Variants in TMEM240 observed in about 807,000 individuals in gnomAD.
The protein encoded by TMEM240 is transmembrane protein C1orf70.
Under a neutral mutation model 19.5 loss-of-function variants are expected in TMEM240, and 3 were observed. The ratio of observed to expected loss-of-function variants is 0.15; its 90% confidence interval spans 0.07 to 0.40. The LOEUF is 0.40. Ranked by LOEUF, TMEM240 falls within the 10% of genes least tolerant of loss-of-function variation. The pLI, the probability that TMEM240 is intolerant of heterozygous loss-of-function variation, is 1.00. For synonymous variants in TMEM240, 123 were observed against 109.3 expected (o/e 1.13, Z -0.78); for missense variants, 210 against 253.5 (o/e 0.83, Z 1.17).
intron 2 of TMEM240, chr1:1,539,322 C>G (rs945466758): frequency 2.6e-5 from 6 of 231,182 alleles, no homozygotes; most frequent in African/African-American, 1.4e-4. Context: ...CCCAGGGACT[C>G]AGTGCAGGGC....
At position 1,536,787 on chromosome 1, in the gene TMEM240, G is replaced by A. The variant is rs1198476257; in HGVS notation, c.165-990C>T. Among the ~76,000 whole-genome samples the A allele has an allele frequency of 2.0e-5, 3 of 152,102 alleles. No individual in the cohort carries two copies. The highest frequency in any genetic ancestry group is 6.5e-5 in the Admixed American group (1 of 15,274). On this transcript the variant is annotated intron_variant, in intron 2 of 3. Transcript: ENST00000378733. This position sits in a 1 kb window ranked among gnomAD's most constrained non-coding sequence, Gnocchi z 5.4. ...AGCCCGCGGGCCCCACGCGCCTTGC[G>A]GTCCACACTCCTGGCTGCCTCCCAC...
rs1185411774 is a variant in TMEM240, at chr1:1,535,936, G to A, written c.165-139C>T. 2.0e-5 allele frequency: 10 copies of A among 493,026 alleles called. No individual in the cohort carries two copies. The highest frequency in any genetic ancestry group is 3.5e-5 in the Non-Finnish European group (9 of 260,080). The allele number at this position is 493,026 out of a possible 1,614,324, so 30.5% of individuals were successfully genotyped here. The stretch of plus-strand genomic sequence containing the variant: ...CTGAAGCAGCCTCTTGGGCGGGCGG[G>A]TCGGGAAGGGGGCACCAGACTCAAC... On this transcript the variant is annotated intron_variant, in intron 2 of 3. Transcript: ENST00000378733. The surrounding 1 kb of genome is among the most constrained non-coding windows in gnomAD (Gnocchi z 8.2).
chr1:1,537,931 G>A (rs1168409661), intron 2 of TMEM240, among the ~76,000 whole-genome samples: 2 of 152,170 alleles, frequency 1.3e-5, no homozygotes, highest in Non-Finnish European at 2.9e-5. Flanking sequence ...TTCCATACAC[G>A]TTCTCCACGT....
Position 1,539,710 on chromosome 1 carries a change from G to A in TMEM240, c.138C>T (p.Asp46=), listed in dbSNP as rs755533123. 1.1e-4 allele frequency: 166 copies of A among 1,548,072 alleles called. No homozygotes were observed. Among genetic ancestry groups the A allele is most frequent in the Non-Finnish European group, 1.4e-4 (162 of 1,146,544 alleles). The stretch of plus-strand genomic sequence containing the variant: ...GGCCACAGTTGCAGTGGCAGACGCG[G>A]TCCTCGCCCCGCAGGTGCGGGAGGA... The part of the protein sequence containing the change: ...NYILPHLRGE[D]RVCHCNCGRH... Residue 46 remains aspartate (D), a synonymous_variant, in exon 2 of 4, where the codon GAC becomes GAT. Transcript: ENST00000378733.
At position 1,539,896 on chromosome 1, in the gene TMEM240, A is replaced by C. The variant is rs1283822147; in HGVS notation, c.58-106T>G. 3 of 856,270 alleles carry C rather than the reference A, an allele frequency of 3.5e-6. No individual in the cohort carries two copies. The East Asian group carries it at 1.2e-4, about 34-fold the overall frequency. The allele number at this position is 856,270 out of a possible 1,614,324, so 53.0% of individuals were successfully genotyped here. A position where few individuals can be genotyped will look rare whatever the true frequency, so the allele number is the denominator to read the frequency against. On this transcript the variant is annotated intron_variant, in intron 1 of 3. Transcript: ENST00000378733. ...CGGGGCAGCGCAAGCGGGGAGCGAG[A>C]GCGCAGGCCGGGGTGAGGGGAGCGT...
At chr1:1,540,203 C>G (rs1431129988) in intron 1 of TMEM240, 87 bp downstream of exon 1, 4 of 675,258 alleles carry the variant, frequency 5.9e-6, no homozygotes, top group Admixed American at 8.8e-5. Context: ...GCAGGCCGCA[C>G]GGGCGGTAAA....
rs546474374 is a variant in TMEM240 at position 1,535,332 on chromosome 1, G to A, written c.*27C>T. ...CATCTGTACAGCAGCCGGTTGGCTC[G>A]GTGGCCCCGGTAAGTCCCCGTGCGG... On this transcript the variant is annotated 3_prime_UTR_variant, in exon 4 of 4. Coordinates refer to ENST00000378733, the MANE Select transcript of TMEM240 (RefSeq NM_001114748.2). This position sits in a 1 kb window ranked among gnomAD's most constrained non-coding sequence, Gnocchi z 8.2. 3.6e-5 allele frequency: 56 copies of A among 1,546,650 alleles called. No homozygotes were observed. Among genetic ancestry groups the A allele is most frequent in the South Asian group, 3.6e-5 (3 of 83,526 alleles).
chr1:1,539,592 G>T, intron 2 of TMEM240, 92 bp downstream of exon 2: 1 of 1,152,992 alleles, frequency 8.7e-7, no homozygotes, highest in Non-Finnish European at 1.2e-6. Context: ...GCGGCTCGCG[G>T]CCTGCGTGGG....
chr1:1,535,310 C>T lies in TMEM240; in HGVS notation c.*49G>A. 2.6e-6 allele frequency: 4 copies of T among 1,541,706 alleles called. No homozygotes were observed. Among genetic ancestry groups the T allele is most frequent in the Non-Finnish European group, 3.5e-6 (4 of 1,142,728 alleles). On this transcript the variant is annotated 3_prime_UTR_variant, in exon 4 of 4. Transcript: ENST00000378733. The surrounding 1 kb of genome is among the most constrained non-coding windows in gnomAD (Gnocchi z 8.2). ...GGCGTCCACGAGGTCCCTTTTACAT[C>T]TGTACAGCAGCCGGTTGGCTCGGTG...
chr1:1,538,054 C>T (rs976902103), intron 2 of TMEM240, among the ~76,000 whole-genome samples: 1 of 152,200 alleles, frequency 6.6e-6, no homozygotes, highest in Non-Finnish European at 1.5e-5. Flanking sequence ...ATGGTGGATA[C>T]GCAGATACCG....
Position 1,535,770 on chromosome 1 carries a change from G to A in TMEM240, c.192C>T (p.Tyr64=), listed in dbSNP as rs1417731822. The change falls in exon 3 of 4, where the codon TAC becomes TAT. Residue 64 remains tyrosine, a synonymous_variant. Transcript: ENST00000378733. This position sits in a 1 kb window ranked among gnomAD's most constrained non-coding sequence, Gnocchi z 8.2. ...CGTCCACCACCGACTGGTCCCCGTC[G>A]TACGGGATCACGTAGTGGATATGGT... ...GRHHIHYVIP[Y]DGDQSVVDAS... is the part of the protein sequence containing the mutation. 7.1e-6 allele frequency: 11 copies of A among 1,550,010 alleles called. No individual in the cohort carries two copies. Among genetic ancestry groups the A allele is most frequent in the African/African-American group, 2.7e-5 (2 of 73,014 alleles).
In TMEM240 at chr1:1,535,817, C is replaced by G; in HGVS notation, c.165-20G>C. The G allele has an allele frequency of 6.5e-7, 1 of 1,545,084 alleles. No homozygotes were observed. The highest frequency in any genetic ancestry group is 8.7e-7 in the Non-Finnish European group (1 of 1,143,082). ...TGGTGCCTGGGGGCGGCAGGGCGGG[C>G]TGGCACCTCTCCCGCCACCCCCGGC... On this transcript the variant is annotated intron_variant, in intron 2 of 3. Coordinates refer to ENST00000378733, the MANE Select transcript of TMEM240 (RefSeq NM_001114748.2). The surrounding 1 kb of genome is among the most constrained non-coding windows in gnomAD (Gnocchi z 8.2).
chr1:1,538,021 G>A (rs1411084968), intron 2 of TMEM240, among the ~76,000 whole-genome samples: 1 of 152,232 alleles, frequency 6.6e-6, no homozygotes, highest in Non-Finnish European at 1.5e-5. Flanking sequence ...CACACAGGGA[G>A]CCTCTCATGG....
In TMEM240 at chr1:1,540,508, C is replaced by CG. The variant is rs1228529247; in HGVS notation, c.-163dup. ...CGGCACCGGCCGGGGGGAGGAGGCG[C>CG]GGGGGGGGGGGCGCCGGGGAGGGAC... is the stretch of plus-strand genomic sequence containing the variant. On this transcript the variant is annotated 5_prime_UTR_variant, in exon 1 of 4. Coordinates refer to ENST00000378733, the MANE Select transcript of TMEM240 (RefSeq NM_001114748.2). 0.22 allele frequency: 9,635 copies of CG among 43,160 alleles called. 908 individuals carry two copies. The highest frequency in any genetic ancestry group is 0.51 in the East Asian group (1,063 of 2,080). 2.7% of individuals were successfully genotyped at this position (43,160 alleles called of 1,614,324 possible).
At chr1:1,539,850 G>A (rs1390808976) in intron 1 of TMEM240, 60 bp from the exon 2 acceptor site, 1 of 1,445,266 alleles carries the variant, frequency 6.9e-7, no homozygotes, top group South Asian at 1.2e-5. Flanking sequence ...GGGGCTGGGG[G>A]TGGGGAGCGC....
chr1:1,537,013 A>C (rs1642233314), intron 2 of TMEM240, among the ~76,000 whole-genome samples: 1 of 149,630 alleles, frequency 6.7e-6, no homozygotes, highest in South Asian at 2.2e-4. Flanking sequence ...AGTACTTCCC[A>C]CACTGAAAGC....
rs546203093 is a variant in TMEM240 at position 1,540,465 on chromosome 1, C to T, written c.-119G>A. ...GTCAGCGCTTCCCTGGATCGTCCGC[C>T]GCCGCTCGCTGCAACCCCGGCACCG... On this transcript the variant is annotated 5_prime_UTR_variant, in exon 1 of 4. Coordinates refer to ENST00000378733, the MANE Select transcript of TMEM240 (RefSeq NM_001114748.2). 8.3e-6 allele frequency: 2 copies of T among 240,646 alleles called. No homozygotes were observed. Among genetic ancestry groups the T allele is most frequent in the East Asian group, 3.4e-4 (2 of 5,818 alleles). The allele number at this position is 240,646 out of a possible 1,614,324, so 14.9% of individuals were successfully genotyped here. A position where few individuals can be genotyped will look rare whatever the true frequency, so the allele number is the denominator to read the frequency against.
intron 2 of TMEM240, among the ~76,000 whole-genome samples, chr1:1,538,064 G>A (rs759204516): frequency 6.6e-4 from 101 of 152,334 alleles, no homozygotes; most frequent in South Asian, 8.3e-4. Flanking sequence ...CGCAGATACC[G>A]CATGTGCAAG....
At position 1,535,612 on chromosome 1, in the gene TMEM240, G is replaced by A; in HGVS notation, c.350C>T (p.Ala117Val). The stretch of plus-strand genomic sequence containing the variant: ...ACCGTAGCGCCGTCCGGCTCTCCAG[G>A]CGCGCACGGCGCAGTGCAGGACGCC... ...MDGVLHCAVR[A>V]WRAGRRYDGS... is the part of the protein sequence containing the mutation. Residue 117 changes from alanine (A) to valine (V), a missense_variant, in exon 3 of 4, where the codon GCC becomes GTC. Ala to Val is a moderately conservative substitution (Grantham distance 64, BLOSUM62 0). Around this residue, in one of 3 missense-constraint regions of TMEM240, gnomAD observed 157 missense variants for 168.2 expected, o/e 0.93. Coordinates refer to ENST00000378733, the MANE Select transcript of TMEM240 (RefSeq NM_001114748.2). This position sits in a 1 kb window ranked among gnomAD's most constrained non-coding sequence, Gnocchi z 8.2. 2 of 1,549,642 alleles carry A rather than the reference G, an allele frequency of 1.3e-6. No homozygotes were observed. Among genetic ancestry groups the A allele is most frequent in the Non-Finnish European group, 8.7e-7 (1 of 1,146,476 alleles).
Sources: gnomAD v4.1 joint callset for allele counts (sites outside exome capture counted in the v4.1 genomes callset) on GRCh38, gnomAD v4.1.1 for gene constraint, gnomAD v4.1.1 regional missense constraint, Gnocchi (gnomAD v3.1) non-coding constraint, MANE v1.5 for transcripts, NCBI Gene and HGNC (gene_info 2026-07-23, HGNC 2026-07-21) for gene names.